RBBP8NL: variants seen among roughly 807,000 people sequenced by gnomAD.
RBBP8NL encodes RBBP8 N-terminal like.
RBBP8NL carries 59 observed loss-of-function variants against 62.2 expected under a neutral mutation model. The observed-to-expected ratio is 0.95, with a 90% CI of 0.77 to 1.18. RBBP8NL has a LOEUF of 1.18. Among genes scored for constraint, RBBP8NL ranks in the 50% most tolerant of loss-of-function variants. RBBP8NL has a pLI of 0.00. For missense variants in RBBP8NL, 896 were observed against 899.5 expected (o/e 1.00, Z 0.05); for synonymous variants, 412 against 394.1 (o/e 1.05, Z -0.54).
intron 1 of RBBP8NL, among the ~76,000 whole-genome samples, chr20:62,419,933 C>T (rs956453602): frequency 2.0e-5 from 3 of 152,198 alleles, no homozygotes; most frequent in Non-Finnish European, 4.4e-5. Flanking sequence ...TCCTCCCACA[C>T]GTATGTGGCC....
Position 62,419,594 on chromosome 20 carries a change from T to A in RBBP8NL, c.54A>T (p.Glu18Asp). Residue 18 changes from glutamate (E) to aspartate (D), a missense_variant, in exon 2 of 14, where the codon GAA (glutamate) becomes GAT (aspartate). By Grantham distance (45) the Glu-to-Asp change is conservative. Coordinates refer to ENST00000252998, the MANE Select transcript of RBBP8NL (RefSeq NM_080833.3). ...CTGTCCCTGGCCCCTCACCCAGGAC[T>A]TCCTTCTCGTGGATCTCCTTCAGCC... ...LNRLKEIHEKEVLGLQNKLLE... is the reference protein window; with the variant it reads ...LNRLKEIHEKDVLGLQNKLLE... 6.2e-7 allele frequency: 1 copy of A among 1,613,564 alleles called. No homozygotes were observed. The highest frequency in any genetic ancestry group is 8.5e-7 in the Non-Finnish European group (1 of 1,179,892).
chr20:62,411,091 A>T, intron 13 of RBBP8NL, 95 bp from the exon 14 acceptor site: 1 of 789,670 alleles, frequency 1.3e-6, no homozygotes, highest in Admixed American at 2.2e-5. Flanking sequence ...TCCTCTGGGC[A>T]CGGGGAGCTG....
Position 62,413,866 on chromosome 20 carries a change from G to T in RBBP8NL, c.1485C>A (p.Thr495=). Residue 495 remains threonine (T), a synonymous_variant, in exon 10 of 14, where the codon ACC becomes ACA. Transcript: ENST00000252998. ...CCTGCTCTGGCACTCTGGTCCCCTT[G>T]GTGCCATTGCTGAGTGCCTGGGGAC... ...TRSPQALSNG[T]KGTRVPEQEE... The T allele has an allele frequency of 4.4e-6, 7 of 1,596,386 alleles. No individual in the cohort carries two copies. The highest frequency in any genetic ancestry group is 6.0e-6 in the Non-Finnish European group (7 of 1,172,410).
In RBBP8NL at chr20:62,415,596, C is replaced by T. The variant is rs1988543805; in HGVS notation, c.609G>A (p.Glu203=). ...AKISPGATLP[E]SRAPDMSPQR... is the part of the protein sequence containing the mutation. ...CCCTTACCATGTCTGGGGCTCGCGA[C>T]TCAGGCAGGGTGGCCCCTGGGGAGA... The change falls in exon 8 of 14, where the codon GAG becomes GAA. Residue 203 remains glutamate, a synonymous_variant. Transcript: ENST00000252998. The T allele has an allele frequency of 6.2e-6, 10 of 1,612,772 alleles. No individual in the cohort carries two copies. Among genetic ancestry groups the T allele is most frequent in the Non-Finnish European group, 8.5e-6 (10 of 1,179,934 alleles).
At position 62,413,451 on chromosome 20, in the gene RBBP8NL, T is replaced by C. The variant is rs1462956951; in HGVS notation, c.1625A>G (p.His542Arg). Residue 542 changes from histidine (H) to arginine (R), a missense_variant, in exon 11 of 14, where the codon CAC becomes CGC. Coordinates refer to ENST00000252998, the MANE Select transcript of RBBP8NL (RefSeq NM_080833.3). Reference protein sequence around the residue: ...EDTGRPLPPPHPQPPPHPQPP... With the variant: ...EDTGRPLPPPRPQPPPHPQPP... ...CTGTGGGTGGGGAGGCGGCTGTGGG[T>C]GGGGAGGTGGCAGAGGCCTCCCTGT... 1.4e-6 allele frequency: 2 copies of C among 1,464,912 alleles called. No homozygotes were observed. The highest frequency in any genetic ancestry group is 9.0e-7 in the Non-Finnish European group (1 of 1,111,850). 90.7% of individuals were successfully genotyped at this position (1,464,912 alleles called of 1,614,324 possible). A position where few individuals can be genotyped will look rare whatever the true frequency, so the allele number is the denominator to read the frequency against.
chr20:62,418,801 C>G (rs979736559), intron 2 of RBBP8NL, among the ~76,000 whole-genome samples: 2 of 151,988 alleles, frequency 1.3e-5, no homozygotes, highest in Non-Finnish European at 2.9e-5. Context: ...GTGTGTGTGT[C>G]ATAGCTAGTG....
At chr20:62,426,188 C>CGGCAGT (rs1216765069) in intron 1 of RBBP8NL, among the ~76,000 whole-genome samples, 3 of 149,686 alleles carry the variant, frequency 2.0e-5, no homozygotes, top group African/African-American at 7.4e-5. Context: ...GCAGCGGCAG[C>CGGCAGT]GGCAGTGGCA....
chr20:62,413,341 C>T (rs551124494), intron 11 of RBBP8NL, 60 bp downstream of exon 11: 3 of 1,368,002 alleles, frequency 2.2e-6, no homozygotes, highest in East Asian at 2.9e-5. Context: ...GACCACCACC[C>T]TCTCTCTCCG....
At chr20:62,413,347 C>G in intron 11 of RBBP8NL, 54 bp downstream of exon 11, 2 of 1,373,336 alleles carry the variant, frequency 1.5e-6, no homozygotes, top group Non-Finnish European at 1.9e-6. Flanking sequence ...CACCCTCTCT[C>G]TCCGTGGGGA....
At chr20:62,422,164 C>G (rs116755732) in intron 1 of RBBP8NL, among the ~76,000 whole-genome samples, 10 of 152,178 alleles carry the variant, frequency 6.6e-5, no homozygotes, top group Non-Finnish European at 1.5e-4. Flanking sequence ...CCCAAGGCCT[C>G]GCCACGGCCA....
chr20:62,412,957 G>T, intron 11 of RBBP8NL, 57 bp from the exon 12 acceptor site: 1 of 1,589,290 alleles, frequency 6.3e-7, no homozygotes, highest in Non-Finnish European at 8.6e-7. Context: ...AGTCTCCCGA[G>T]CCTGCCAGAC....
rs777139388 is a variant in RBBP8NL at position 62,416,232 on chromosome 20, G to C, written c.318C>G (p.Asn106Lys). ...TCTCTTCCTTCAGCCCGTTCATCTCGTTGGCTGCAAAAGGCACTGATGAGC... is the reference window on the plus strand; with the variant it reads ...TCTCTTCCTTCAGCCCGTTCATCTCCTTGGCTGCAAAAGGCACTGATGAGC... ...QNLQRIFILT[N>K]EMNGLKEENE... The change falls in exon 6 of 14, where the codon AAC becomes AAG. Residue 106 changes from asparagine (N) to lysine (K), a missense_variant. Asn to Lys is a moderately conservative substitution (Grantham distance 94). Coordinates refer to ENST00000252998, the MANE Select transcript of RBBP8NL (RefSeq NM_080833.3). The C allele has an allele frequency of 6.3e-7, 1 of 1,591,756 alleles. No homozygotes were observed. The highest frequency in any genetic ancestry group is 1.4e-5 in the African/African-American group (1 of 73,808).
Position 62,419,593 on chromosome 20 carries a change from C to G in RBBP8NL, c.55G>C (p.Val19Leu). The change falls in exon 2 of 14, where the codon GTC becomes CTC. Residue 19 changes from valine (V) to leucine (L), a missense_variant. Transcript: ENST00000252998. ...NRLKEIHEKE[V>L]LGLQNKLLEL... ...TCTGTCCCTGGCCCCTCACCCAGGA[C>G]TTCCTTCTCGTGGATCTCCTTCAGC... 6.2e-7 allele frequency: 1 copy of G among 1,613,628 alleles called. No homozygotes were observed. The highest frequency in any genetic ancestry group is 8.5e-7 in the Non-Finnish European group (1 of 1,179,916).
chr20:62,412,520 G>A, intron 13 of RBBP8NL, 104 bp downstream of exon 13: 1 of 1,438,230 alleles, frequency 7.0e-7, no homozygotes, highest in Non-Finnish European at 9.5e-7. Flanking sequence ...TCATTCTGAG[G>A]CTGCCATTCT....
chr20:62,422,688 T>TGGGGTGG (rs1988733999), intron 1 of RBBP8NL, among the ~76,000 whole-genome samples: 1 of 44,676 alleles, frequency 2.2e-5, no homozygotes, highest in African/African-American at 8.7e-5. Context: ...GTGGGGATGG[T>TGGGGTGG]GACTGGAGCC....
chr20:62,422,292 C>T (rs1180189929), intron 1 of RBBP8NL, among the ~76,000 whole-genome samples: 1 of 151,984 alleles, frequency 6.6e-6, no homozygotes, highest in African/African-American at 2.4e-5. Context: ...CAGAACCGTC[C>T]CGAACAGGAC....
chr20:62,421,740 CAT>C (rs998157772), intron 1 of RBBP8NL, among the ~76,000 whole-genome samples: 30 of 139,482 alleles, frequency 2.2e-4, no homozygotes, highest in Non-Finnish European at 3.7e-4. Flanking sequence ...GTGTGTGTGC[CAT>C]GTGTGTGCAT....
intron 13 of RBBP8NL, 139 bp downstream of exon 13, chr20:62,412,484 AG>A (rs1220959048): frequency 3.6e-5 from 40 of 1,121,312 alleles, no homozygotes; most frequent in Admixed American, 8.0e-5. Flanking sequence ...TCATTTGGGG[AG>A]GGTTGAGGTT....
intron 1 of RBBP8NL, among the ~76,000 whole-genome samples, chr20:62,421,576 C>A (rs62648911): frequency 0.13 from 18,807 of 142,646 alleles, 1,326 homozygotes; most frequent in Middle Eastern, 0.21. Flanking sequence ...TGTGTGTGCA[C>A]GCCTGAGCCA....
Sources: gnomAD v4.1 joint callset for allele counts (sites outside exome capture counted in the v4.1 genomes callset) on GRCh38, gnomAD v4.1.1 for gene constraint, MANE v1.5 for transcripts, NCBI Gene and HGNC (gene_info 2026-07-23, HGNC 2026-07-21) for gene names.